The following BTN1A1 variants were observed in gnomAD, a reference collection of about 807,000 sequenced individuals.
BTN1A1 encodes butyrophilin subfamily 1 member A1, also known as bK14H9.2 (butyrophilin, subfamily 1, member A1).
BTN1A1 carries 26 observed loss-of-function variants against 33.1 expected under a neutral mutation model. The ratio of observed to expected loss-of-function variants is 0.79; its 90% CI spans 0.58 to 1.09. The LOEUF (loss-of-function observed/expected upper bound fraction) is 1.09, where lower values mean the gene tolerates loss of function less well. Ranked by LOEUF, BTN1A1 falls within the 50% of genes least tolerant of loss-of-function variation. BTN1A1 has a pLI of 0.00. For missense variants in BTN1A1, 558 were observed against 655.7 expected (o/e 0.85, Z 1.63); for synonymous variants, 235 against 256.2 (o/e 0.92, Z 0.79).
intron 4 of BTN1A1, among the ~76,000 whole-genome samples, chr6:26,505,562 C>A (rs749887339): frequency 6.6e-6 from 1 of 152,102 alleles, no homozygotes; most frequent in East Asian, 1.9e-4. Flanking sequence ...ATAGCTGGGA[C>A]GACAAGTGCA....
intron 4 of BTN1A1, among the ~76,000 whole-genome samples, chr6:26,505,986 G>A (rs1349457802): frequency 6.6e-6 from 1 of 151,990 alleles, no homozygotes; most frequent in Non-Finnish European, 1.5e-5. Context: ...AGGCATGGTG[G>A]CGGGTGCCTG....
rs201565040 is a variant in BTN1A1 at position 26,509,149 on chromosome 6, C to T, written c.1556C>T (p.Thr519Ile). 9.7e-5 allele frequency: 157 copies of T among 1,612,334 alleles called. No individual in the cohort carries two copies. In the Admixed American group the frequency reaches 1.8e-3, roughly 18 times the overall value. ...ACTCTCCATTCTAAGCTAATCCCTA[C>T]CCAACCCAGCCAAGGGGCACCTTAA... ...ADTLHSKLIPTQPSQGAP is the reference protein window; with the variant it reads ...ADTLHSKLIPIQPSQGAP The change falls in exon 8 of 8, where the codon ACC becomes ATC. Residue 519 changes from threonine to isoleucine, a missense_variant. Thr to Ile is a moderately conservative substitution (Grantham distance 89). Coordinates refer to ENST00000684113, the MANE Select transcript of BTN1A1 (RefSeq NM_001732.3).
chr6:26,508,695 A>G lies in BTN1A1; in HGVS notation c.1102A>G (p.Thr368Ala), dbSNP rs1477919918. 1.9e-6 allele frequency: 3 copies of G among 1,614,174 alleles called. No homozygotes were observed. Among genetic ancestry groups the G allele is most frequent in the Non-Finnish European group, 2.5e-6 (3 of 1,180,028 alleles). ...CTGGGAGGTGGAGGTGGGAGACAGG[A>G]CTGACTGGGCAATCGGCGTGTGTAG... ...HYWEVEVGDRTDWAIGVCREN... is the reference protein window; with the variant it reads ...HYWEVEVGDRADWAIGVCREN... The change falls in exon 8 of 8, where the codon ACT (threonine) becomes GCT (alanine). Residue 368 changes from threonine (T) to alanine (A), a missense_variant. Coordinates refer to ENST00000684113, the MANE Select transcript of BTN1A1 (RefSeq NM_001732.3).
rs771506326 is a variant in BTN1A1, at chr6:26,501,848, G to A, written c.338G>A (p.Gly113Asp). The part of the protein sequence containing the change: ...AKGRVALRIR[G>D]VRVSDDGEYT... Reference sequence around the variant, plus strand: ...GGGCGCGTGGCCTTGAGGATCCGTGGCGTCAGAGTCTCTGACGACGGGGAG... The same window carrying A: ...GGGCGCGTGGCCTTGAGGATCCGTGACGTCAGAGTCTCTGACGACGGGGAG... Residue 113 changes from glycine (G) to aspartate (D), a missense_variant, in exon 3 of 8, where the codon GGC becomes GAC. Transcript: ENST00000684113. This position sits in a 1 kb window ranked among gnomAD's most constrained non-coding sequence, Gnocchi z 5.2. The A allele has an allele frequency of 6.2e-7, 1 of 1,611,124 alleles. No homozygotes were observed. The highest frequency in any genetic ancestry group is 2.2e-5 in the East Asian group (1 of 44,806).
Position 26,508,394 on chromosome 6 carries a change from A to G in BTN1A1, c.908-107A>G, listed in dbSNP as rs546665045. The G allele has an allele frequency of 2.3e-6, 3 of 1,293,350 alleles. No homozygotes were observed. In the African/African-American group the frequency reaches 4.5e-5, roughly 19 times the overall value. The allele number at this position is 1,293,350 out of a possible 1,614,324, so 80.1% of individuals were successfully genotyped here. ...GGCCAAACATCCCCCCACCTCCAGAAGACCTGTCAACTCCTACAACAGTGT... is the reference window on the plus strand; with the variant it reads ...GGCCAAACATCCCCCCACCTCCAGAGGACCTGTCAACTCCTACAACAGTGT... On this transcript the variant is annotated intron_variant, in intron 7 of 7. Coordinates refer to ENST00000684113, the MANE Select transcript of BTN1A1 (RefSeq NM_001732.3).
At chr6:26,506,594 A>C in intron 4 of BTN1A1, 89 bp from the exon 5 acceptor site, 1 of 1,408,352 alleles carries the variant, frequency 7.1e-7, no homozygotes, top group Non-Finnish European at 9.9e-7. Context: ...CCAGGCCATC[A>C]CCTCTTCTAC....
intron 3 of BTN1A1, among the ~76,000 whole-genome samples, chr6:26,504,271 C>T (rs980610636): frequency 2.0e-5 from 3 of 152,100 alleles, no homozygotes; most frequent in Non-Finnish European, 4.4e-5. Context: ...TCCTATTTCT[C>T]CTCCTCCCCA....
rs1386916162 is a variant in BTN1A1 at position 26,501,825 on chromosome 6, G to A, written c.315G>A (p.Gly105=). 2 of 1,612,624 alleles carry A rather than the reference G, an allele frequency of 1.2e-6. No homozygotes were observed. Among genetic ancestry groups the A allele is most frequent in the Admixed American group, 1.7e-5 (1 of 59,972 alleles). ...TGGTCCAGGACGGCATCGCCAAGGG[G>A]CGCGTGGCCTTGAGGATCCGTGGCG... The part of the protein sequence containing the change: ...ATLVQDGIAK[G]RVALRIRGVR... Residue 105 remains glycine, a synonymous_variant, in exon 3 of 8, where the codon GGG becomes GGA. Coordinates refer to ENST00000684113, the MANE Select transcript of BTN1A1 (RefSeq NM_001732.3). This position sits in a 1 kb window ranked among gnomAD's most constrained non-coding sequence, Gnocchi z 5.2.
intron 3 of BTN1A1, among the ~76,000 whole-genome samples, chr6:26,502,781 C>T (rs1302212717): frequency 6.6e-6 from 1 of 152,170 alleles, no homozygotes; most frequent in East Asian, 1.9e-4. Flanking sequence ...TTTCTAAAGA[C>T]TGACATCCTA....
At chr6:26,508,127 T>A in intron 7 of BTN1A1, 40 bp downstream of exon 7, 1 of 1,570,480 alleles carries the variant, frequency 6.4e-7, no homozygotes, top group African/African-American at 1.4e-5. Context: ...TGAGGCTCTA[T>A]CCCCTAGGAA....
In BTN1A1 at chr6:26,505,083, G is replaced by A; in HGVS notation, c.586G>A (p.Glu196Lys). The A allele has an allele frequency of 6.2e-7, 1 of 1,614,246 alleles. No individual in the cohort carries two copies. Among genetic ancestry groups the A allele is most frequent in the Non-Finnish European group, 8.5e-7 (1 of 1,180,046 alleles). ...PSTSESRNPD[E>K]EGLFTVAASV... ...TACATCAGAGTCCAGGAATCCTGAT[G>A]AAGAAGGTTTGTTCACTGTGGCTGC... Residue 196 changes from glutamate to lysine, a missense_variant, in exon 4 of 8, where the codon GAA becomes AAA. Coordinates refer to ENST00000684113, the MANE Select transcript of BTN1A1 (RefSeq NM_001732.3).
chr6:26,507,971 G>A lies in BTN1A1; in HGVS notation c.880+1G>A, dbSNP rs1402858863. The A allele has an allele frequency of 6.2e-7, 1 of 1,613,990 alleles. No homozygotes were observed. Among genetic ancestry groups the A allele is most frequent in the Admixed American group, 1.7e-5 (1 of 60,004 alleles). On this transcript the variant is annotated splice_donor_variant, in intron 6 of 7. Coordinates refer to ENST00000684113, the MANE Select transcript of BTN1A1 (RefSeq NM_001732.3). LOFTEE classifies it high-confidence loss of function. ...CCAGAGAGACTCCTGGAAGAACTCA[G>A]TAAGTTCTGTCTTCTTGTTATTTCA...
chr6:26,507,997 C>A, intron 6 of BTN1A1, 27 bp downstream of exon 6: 1 of 1,613,680 alleles, frequency 6.2e-7, no homozygotes, highest in South Asian at 1.1e-5. Flanking sequence ...TGTTATTTCA[C>A]CCACAGAGTT....
chr6:26,501,450 G>C lies in BTN1A1; in HGVS notation c.79+85G>C. On this transcript the variant is annotated intron_variant, in intron 2 of 7. Coordinates refer to ENST00000684113, the MANE Select transcript of BTN1A1 (RefSeq NM_001732.3). This position sits in a 1 kb window ranked among gnomAD's most constrained non-coding sequence, Gnocchi z 5.2. ...ACAATCCCACTTGGCTCTCCCTGGA[G>C]ACCTCCACTGGATCCAGACAAACTC... The C allele has an allele frequency of 6.4e-7, 1 of 1,566,938 alleles. No individual in the cohort carries two copies. Among genetic ancestry groups the C allele is most frequent in the South Asian group, 1.1e-5 (1 of 89,624 alleles).
At chr6:26,506,562 C>T in intron 4 of BTN1A1, 121 bp from the exon 5 acceptor site, 2 of 1,021,768 alleles carry the variant, frequency 2.0e-6, no homozygotes, top group African/African-American at 1.6e-5. Context: ...TATTTTTTTG[C>T]TATATGAGGG....
intron 3 of BTN1A1, among the ~76,000 whole-genome samples, chr6:26,502,444 G>C (rs765607268): frequency 1.3e-5 from 2 of 152,108 alleles, no homozygotes; most frequent in Non-Finnish European, 2.9e-5. Context: ...CCCCTGATTA[G>C]GACTCCACAG....
In BTN1A1 at chr6:26,508,584, C is replaced by T. The variant is rs536850553; in HGVS notation, c.991C>T (p.Arg331Cys). The change falls in exon 8 of 8, where the codon CGT becomes TGT. Residue 331 changes from arginine (R) to cysteine (C), a missense_variant. Arg to Cys is a radical substitution (Grantham distance 180). Transcript: ENST00000684113. Reference protein sequence around the residue: ...DSKSVRLEDSRQKLPEKTERF... With the variant: ...DSKSVRLEDSCQKLPEKTERF... ...AAAATCTGTTCGACTGGAAGATTCA[C>T]GTCAGAAACTGCCTGAGAAAACAGA... 16 of 1,614,166 alleles carry T rather than the reference C, an allele frequency of 9.9e-6. No homozygotes were observed. The highest frequency in any genetic ancestry group is 6.7e-5 in the Admixed American group (4 of 60,018).
In BTN1A1 at chr6:26,504,912, T is replaced by G; in HGVS notation, c.428-13T>G. ...GTCCGCTAAAACATTAAGTCCAGATTCTCTCTCCATAGCTCTGGGCTCTGA... is the reference window on the plus strand; with the variant it reads ...GTCCGCTAAAACATTAAGTCCAGATGCTCTCTCCATAGCTCTGGGCTCTGA... On this transcript the variant is annotated splice_polypyrimidine_tract_variant and intron_variant, in intron 3 of 7. Transcript: ENST00000684113. 1 of 1,611,242 alleles carries G rather than the reference T, an allele frequency of 6.2e-7. No individual in the cohort carries two copies. Among genetic ancestry groups the G allele is most frequent in the Non-Finnish European group, 8.5e-7 (1 of 1,177,978 alleles).
chr6:26,503,222 G>A (rs897846983), intron 3 of BTN1A1, among the ~76,000 whole-genome samples: 2 of 151,520 alleles, frequency 1.3e-5, no homozygotes, highest in African/African-American at 4.9e-5. Flanking sequence ...GGTGTCTCAC[G>A]CCTGTAATCC....
Sources: allele counts gnomAD v4.1 joint callset (sites outside exome capture counted in the v4.1 genomes callset), GRCh38; gene constraint gnomAD v4.1.1; non-coding constraint Gnocchi (gnomAD v3.1); transcripts MANE v1.5; gene names NCBI Gene and HGNC (gene_info 2026-07-23, HGNC 2026-07-21).